Variants in ABHD10 observed in about 807,000 individuals in gnomAD.
The protein encoded by ABHD10 is abhydrolase domain containing 10, depalmitoylase.
In ABHD10, 22 loss-of-function variants were observed where a neutral mutation model predicts 33.1. The ratio of observed to expected loss-of-function variants is 0.66; its 90% CI spans 0.47 to 0.95. ABHD10 has a LOEUF of 0.95. ABHD10 is among the 40% of genes least tolerant of loss of function. ABHD10 has a pLI of 0.00. For synonymous variants in ABHD10, 146 were observed against 133.9 expected (o/e 1.09, Z -0.62); for missense variants, 352 against 379.9 (o/e 0.93, Z 0.61).
chr3:111,990,706 G>T, intron 4 of ABHD10: 1 of 1,431,990 alleles, frequency 7.0e-7, no homozygotes, highest in Non-Finnish European at 9.3e-7. Flanking sequence ...ATAGGACTCT[G>T]GAAGGAAAAA....
intron 2 of ABHD10, 188 bp downstream of exon 2, chr3:111,982,155 TG>T (rs2072593447): frequency 2.1e-5 from 9 of 436,272 alleles, no homozygotes; most frequent in Non-Finnish European, 3.5e-5. Flanking sequence ...TAAAGGCCTT[TG>T]TGCCACGCTG....
chr3:111,986,460 G>A, intron 3 of ABHD10, 85 bp downstream of exon 3: 2 of 897,228 alleles, frequency 2.2e-6, no homozygotes, highest in South Asian at 3.2e-5. Context: ...TTTTGAGATG[G>A]AGTCTCGTGC....
intron 1 of ABHD10, 54 bp downstream of exon 1, chr3:111,979,257 C>T (rs2072545312): frequency 3.2e-6 from 5 of 1,541,434 alleles, no homozygotes; most frequent in Non-Finnish European, 4.4e-6. Context: ...CCTCGGGTTC[C>T]GTCAGTTACC....
At chr3:111,979,349 A>G in intron 1 of ABHD10, 146 bp downstream of exon 1, 2 of 1,042,914 alleles carry the variant, frequency 1.9e-6, no homozygotes, top group Non-Finnish European at 1.3e-6. Context: ...GGCGCTTTGT[A>G]GACTTCTGGT....
intron 1 of ABHD10, among the ~76,000 whole-genome samples, chr3:111,981,413 TGA>T (rs2072583568): frequency 6.6e-6 from 1 of 152,012 alleles, no homozygotes; most frequent in South Asian, 2.1e-4. Flanking sequence ...AAGAGAGGGC[TGA>T]AACTATTGCG....
chr3:111,991,163 CAG>C (rs1422278289), intron 4 of ABHD10, among the ~76,000 whole-genome samples: 5 of 151,964 alleles, frequency 3.3e-5, no homozygotes, highest in African/African-American at 1.2e-4. Context: ...AGAATAATAA[CAG>C]AATTATTATC....
chr3:111,986,200 T>A (rs1232293204), intron 2 of ABHD10, 64 bp from the exon 3 acceptor site: 3 of 888,080 alleles, frequency 3.4e-6, no homozygotes, highest in African/African-American at 3.4e-5. Context: ...GTGCTATCTT[T>A]CTTAAAAATT....
chr3:111,990,613 T>C (rs918580882), intron 4 of ABHD10: 1 of 475,210 alleles, frequency 2.1e-6, no homozygotes, highest in Non-Finnish European at 3.6e-6. Context: ...GGAATAAATA[T>C]ACAGATATTA....
At chr3:111,991,331 T>TG (rs2072736341) in intron 4 of ABHD10, 46 bp from the exon 5 acceptor site, 4 of 1,533,604 alleles carry the variant, frequency 2.6e-6, no homozygotes, top group Non-Finnish European at 3.5e-6. Flanking sequence ...GTGTTAATGT[T>TG]GCCTAAAGTC....
At chr3:111,986,143 C>T in intron 2 of ABHD10, 121 bp from the exon 3 acceptor site, 1 of 568,578 alleles carries the variant, frequency 1.8e-6, no homozygotes, top group Admixed American at 3.3e-5. Flanking sequence ...TGCTAAAATA[C>T]ATATTGATTG....
intron 2 of ABHD10, chr3:111,982,189 T>A (rs905422201): frequency 3.0e-5 from 11 of 361,616 alleles, no homozygotes; most frequent in African/African-American, 1.9e-4. Context: ...GAAAAGGACA[T>A]CTTAAGGGAA....
At chr3:111,990,772 A>G (rs1032572307) in intron 4 of ABHD10, 18 of 1,212,920 alleles carry the variant, frequency 1.5e-5, no homozygotes, top group Middle Eastern at 2.0e-4. Context: ...GATTGTTACA[A>G]TGTAATTACT....
chr3:111,989,718 A>G (rs1339134810), intron 4 of ABHD10, among the ~76,000 whole-genome samples: 1 of 152,080 alleles, frequency 6.6e-6, no homozygotes, highest in Non-Finnish European at 1.5e-5. Flanking sequence ...AGAGAATGCC[A>G]TGATATTGAT....
At position 111,993,197 on chromosome 3, in the gene ABHD10, T is replaced by TA. The variant is rs1414216928; in HGVS notation, c.*1477dup. ...GTTGACAGTGTTTCACAAGTGCTGT[T>TA]ACAACTGGTTGCTGGGAGAATTAAG... On this transcript the variant is annotated 3_prime_UTR_variant, in exon 5 of 5. Coordinates refer to ENST00000273359, the MANE Select transcript of ABHD10 (RefSeq NM_018394.4). 3 of 152,212 alleles carry TA rather than the reference T, an allele frequency of 2.0e-5. No individual in the cohort carries two copies. The highest frequency in any genetic ancestry group is 2.9e-5 in the Non-Finnish European group (2 of 68,038). 9.4% of individuals were successfully genotyped at this position (152,212 alleles called of 1,614,324 possible).
At chr3:111,990,584 A>G (rs2072727323) in intron 4 of ABHD10, 1 of 374,224 alleles carries the variant, frequency 2.7e-6, no homozygotes, top group Non-Finnish European at 4.7e-6. Context: ...GTCAAAGGAC[A>G]TGTATATTTC....
intron 4 of ABHD10, chr3:111,990,658 T>G: frequency 1.0e-6 from 1 of 969,130 alleles, no homozygotes; most frequent in East Asian, 3.0e-5. Context: ...GGAAGACTTC[T>G]TTGTCATCCA....
chr3:111,981,494 G>T (rs6783549), intron 1 of ABHD10, among the ~76,000 whole-genome samples: 1 of 151,782 alleles, frequency 6.6e-6, no homozygotes, highest in African/African-American at 2.4e-5. Flanking sequence ...AATGTTTTTC[G>T]ATTAGTCTCT....
At chr3:111,982,004 G>C (rs761459212) in intron 2 of ABHD10, 37 bp downstream of exon 2, 1 of 1,411,476 alleles carries the variant, frequency 7.1e-7, no homozygotes, top group South Asian at 1.8e-5. Flanking sequence ...TATTGCTACT[G>C]TTAGCATTAC....
intron 2 of ABHD10, 54 bp from the exon 3 acceptor site, chr3:111,986,206 AAATT>A (rs1478229323): frequency 1.9e-5 from 18 of 956,802 alleles, no homozygotes; most frequent in Non-Finnish European, 2.7e-5. Context: ...TCTTTCTTAA[AAATT>A]AAAGAAGCAG....
Sources: allele counts gnomAD v4.1 joint callset (sites outside exome capture counted in the v4.1 genomes callset), GRCh38; gene constraint gnomAD v4.1.1; transcripts MANE v1.5; gene names NCBI Gene and HGNC (gene_info 2026-07-23, HGNC 2026-07-21).